The following VPS13C variants were observed in gnomAD, a reference collection of about 807,000 sequenced individuals.
VPS13C encodes the protein intermembrane lipid transfer protein VPS13C.
In VPS13C, 358 loss-of-function variants were observed where a neutral mutation model predicts 456.8. The observed-to-expected ratio is 0.78, with a 90% CI of 0.72 to 0.86. The LOEUF is 0.86. Ranked by LOEUF, VPS13C falls within the 40% of genes least tolerant of loss-of-function variation. The pLI is 0.00. For missense variants in VPS13C, 4,818 were observed against 4,385.4 expected (o/e 1.10, Z -2.79); for synonymous variants, 1,578 against 1,486.7 (o/e 1.06, Z -1.41).
rs748349760 is a variant in VPS13C at position 61,884,161 on chromosome 15, G to T, written c.9450C>A (p.Asp3150Glu). 2.4e-5 allele frequency: 39 copies of T among 1,602,440 alleles called. No homozygotes were observed. The East Asian group carries it at 4.8e-4, about 20-fold the overall frequency. ...TATTATCTAGCTTAATCCAGCCATGGTCTCTTGATATTTGATGTTTCTGAT... is the reference window on the plus strand; with the variant it reads ...TATTATCTAGCTTAATCCAGCCATGTTCTCTTGATATTTGATGTTTCTGAT... The part of the protein sequence containing the change: ...QSYQKHQISR[D>E]HGWIKLDNNF... The change falls in exon 68 of 85, where the codon GAC becomes GAA. Residue 3150 changes from aspartate to glutamate, a missense_variant. Transcript: ENST00000644861.
intron 66 of VPS13C, among the ~76,000 whole-genome samples, chr15:61,894,843 CAAGA>C (rs2042759586): frequency 6.6e-6 from 1 of 152,082 alleles, no homozygotes; most frequent in African/African-American, 2.4e-5. Flanking sequence ...GACAGAAAAT[CAAGA>C]AAGAAACACT....
intron 22 of VPS13C, among the ~76,000 whole-genome samples, chr15:61,979,702 G>A (rs1465013255): frequency 6.6e-6 from 1 of 152,126 alleles, no homozygotes; most frequent in Non-Finnish European, 1.5e-5. Context: ...CAACACCAGA[G>A]ACATTTCAAC....
chr15:61,923,861 C>CTTTCTT (rs2043744293), intron 53 of VPS13C, among the ~76,000 whole-genome samples: 1 of 75,124 alleles, frequency 1.3e-5, no homozygotes, highest in Admixed American at 1.7e-4. Context: ...CCCTCTAAAT[C>CTTTCTT]TTTTTTTTTT....
chr15:62,017,008 T>C (rs1437099111), intron 9 of VPS13C, among the ~76,000 whole-genome samples: 1 of 152,158 alleles, frequency 6.6e-6, no homozygotes, highest in Non-Finnish European at 1.5e-5. Flanking sequence ...TGATTTGCAT[T>C]TCTCTGATGG....
chr15:62,020,867 CAGAT>C (rs1255451623), intron 8 of VPS13C, among the ~76,000 whole-genome samples: 4 of 151,804 alleles, frequency 2.6e-5, no homozygotes, highest in African/African-American at 9.7e-5. Context: ...GATTTTTTCA[CAGAT>C]AAATTTTAAA....
At chr15:61,954,071 C>T (rs1038479820) in intron 38 of VPS13C, among the ~76,000 whole-genome samples, 2 of 151,996 alleles carry the variant, frequency 1.3e-5, no homozygotes, top group Non-Finnish European at 2.9e-5. Flanking sequence ...TTTTAAAATG[C>T]AGGCATATTG....
At chr15:62,000,340 G>T (rs1315281547) in intron 16 of VPS13C, among the ~76,000 whole-genome samples, 1 of 152,024 alleles carries the variant, frequency 6.6e-6, no homozygotes, top group South Asian at 2.1e-4. Flanking sequence ...ATCCCAGCCC[G>T]GGAGACAGAG....
chr15:61,972,577 G>A, intron 27 of VPS13C, 48 bp downstream of exon 27: 6 of 1,591,068 alleles, frequency 3.8e-6, no homozygotes, highest in Non-Finnish European at 5.1e-6. Flanking sequence ...TAGCTTACAA[G>A]ATAGTGACAG....
At chr15:61,914,051 T>C (rs865845499) in intron 61 of VPS13C, among the ~76,000 whole-genome samples, 7 of 152,190 alleles carry the variant, frequency 4.6e-5, no homozygotes, top group Non-Finnish European at 5.9e-5. Context: ...GATCAAATTG[T>C]GCCCTTGTAT....
At chr15:61,977,608 T>C (rs1371489640) in intron 23 of VPS13C, among the ~76,000 whole-genome samples, 2 of 151,932 alleles carry the variant, frequency 1.3e-5, no homozygotes, top group Non-Finnish European at 1.5e-5. Flanking sequence ...AGTACAATAT[T>C]TACACCCAGC....
intron 61 of VPS13C, among the ~76,000 whole-genome samples, chr15:61,915,094 G>C (rs2043427078): frequency 6.6e-6 from 1 of 151,938 alleles, no homozygotes; most frequent in African/African-American, 2.4e-5. Flanking sequence ...AAAAAACAGG[G>C]GAAGAGGCAC....
chr15:61,854,296 A>G lies in VPS13C; in HGVS notation c.*161T>C, dbSNP rs1893790935. 1.5e-6 allele frequency: 1 copy of G among 680,812 alleles called. No homozygotes were observed. Among genetic ancestry groups the G allele is most frequent in the South Asian group, 1.8e-5 (1 of 54,230 alleles). The allele number at this position is 680,812 out of a possible 1,614,324, so 42.2% of individuals were successfully genotyped here. A position where few individuals can be genotyped will look rare whatever the true frequency, so the allele number is the denominator to read the frequency against. ...ACATGGTTACAAAATTAGAGTAAAAACTAAAAGGTGAAAAAACTAGAAAAC... is the reference window on the plus strand; with the variant it reads ...ACATGGTTACAAAATTAGAGTAAAAGCTAAAAGGTGAAAAAACTAGAAAAC... On this transcript the variant is annotated 3_prime_UTR_variant, in exon 85 of 85. Coordinates refer to ENST00000644861, the MANE Select transcript of VPS13C (RefSeq NM_020821.3).
chr15:61,895,615 T>C (rs1331582836), intron 66 of VPS13C, among the ~76,000 whole-genome samples: 9 of 152,154 alleles, frequency 5.9e-5, no homozygotes, highest in Admixed American at 6.5e-5. Context: ...GATAAATTTC[T>C]GGACACAAAC....
At chr15:62,002,983 G>C (rs929423251) in intron 15 of VPS13C, among the ~76,000 whole-genome samples, 3 of 152,136 alleles carry the variant, frequency 2.0e-5, no homozygotes. Context: ...TTTTGGCTCA[G>C]GATTGACTTG....
intron 54 of VPS13C, 42 bp downstream of exon 54, chr15:61,922,355 C>T: frequency 1.9e-6 from 3 of 1,558,766 alleles, no homozygotes; most frequent in African/African-American, 1.4e-5. Flanking sequence ...CAAAATCGCA[C>T]TTTCAAGAAG....
intron 79 of VPS13C, among the ~76,000 whole-genome samples, chr15:61,870,542 T>G (rs1894943805): frequency 6.6e-6 from 1 of 152,190 alleles, no homozygotes; most frequent in Non-Finnish European, 1.5e-5. Context: ...TGATGGACAT[T>G]TGGGTTGTTT....
rs751258561 is a variant in VPS13C at position 61,951,884 on chromosome 15, A to T, written c.4396T>A (p.Tyr1466Asn). The T allele has an allele frequency of 5.6e-6, 9 of 1,613,866 alleles. No homozygotes were observed. Among genetic ancestry groups the T allele is most frequent in the Non-Finnish European group, 7.6e-6 (9 of 1,179,894 alleles). Residue 1466 changes from tyrosine to asparagine, a missense_variant, in exon 39 of 85, where the codon TAT becomes AAT. By Grantham distance (143) the Tyr-to-Asn change is moderately radical. This residue lies in a region of VPS13C where 4,552 missense variants were observed against 4,130.6 expected (regional missense o/e 1.10). Coordinates refer to ENST00000644861, the MANE Select transcript of VPS13C (RefSeq NM_020821.3). ...AGATAAGCTTTAGCAGTCATGTCAT[A>T]GGTTTTAACTTTAGCTTCCATTCCA... ...QLGMEAKVKT[Y>N]DMTAKAYLKK...
At chr15:61,951,607 T>C (rs1264385573) in intron 39 of VPS13C, among the ~76,000 whole-genome samples, 1 of 152,132 alleles carries the variant, frequency 6.6e-6, no homozygotes, top group African/African-American at 2.4e-5. Flanking sequence ...AATTTAAAAA[T>C]TTAAAAAACA....
intron 79 of VPS13C, among the ~76,000 whole-genome samples, chr15:61,870,946 T>C (rs1048676211): frequency 6.6e-6 from 1 of 152,228 alleles, no homozygotes; most frequent in African/African-American, 2.4e-5. Context: ...TTTGCTCATT[T>C]AAAATTGTGT....
Sources: gnomAD v4.1 joint callset for allele counts (sites outside exome capture counted in the v4.1 genomes callset) on GRCh38, gnomAD v4.1.1 for gene constraint, gnomAD v4.1.1 regional missense constraint, MANE v1.5 for transcripts, NCBI Gene and HGNC (gene_info 2026-07-23, HGNC 2026-07-21) for gene names.